MED15: variants seen among roughly 807,000 people sequenced by gnomAD.
The protein encoded by MED15 is mediator of RNA polymerase II transcription subunit 15.
A neutral mutation model predicts 118.7 loss-of-function variants in MED15; 41 were observed. The ratio of observed to expected loss-of-function variants is 0.35; its 90% confidence interval spans 0.27 to 0.45. The LOEUF (loss-of-function observed/expected upper bound fraction) is 0.45. MED15 is among the 20% of genes least tolerant of loss of function. The pLI, the probability that MED15 is intolerant of heterozygous loss-of-function variation, is 1.00. For missense variants in MED15, 740 were observed against 1,025.5 expected, an observed-to-expected ratio of 0.72 and a Z score of 3.80; for synonymous variants, 436 against 413.9, an observed-to-expected ratio of 1.05 and a Z score of -0.65.
chr22:20,586,548 C>A lies in MED15; in HGVS notation c.2231-20C>A. ...CGCAGCGCCGGCCGCCTTAGGTTCA[C>A]GCCCACTGCTCTGTTGCAGACGCCA... On this transcript the variant is annotated intron_variant, in intron 17 of 17. Transcript: ENST00000263205. The A allele has an allele frequency of 6.2e-7, 1 of 1,608,948 alleles. No homozygotes were observed. The highest frequency in any genetic ancestry group is 8.5e-7 in the Non-Finnish European group (1 of 1,177,208).
chr22:20,570,738 CTTTCTTTCTTTTTTTT>C (rs1426261432), intron 8 of MED15, among the ~76,000 whole-genome samples: 4 of 90,988 alleles, frequency 4.4e-5, no homozygotes, highest in Non-Finnish European at 8.3e-5. Flanking sequence ...TTCTTTCTTT[CTTTCTTTCTTTTTTTT>C]TTTTTTTTTT....
In MED15 at chr22:20,583,071, C is replaced by T. The variant is rs200600808; in HGVS notation, c.1538-42C>T. 550 of 1,556,658 alleles carry T rather than the reference C, an allele frequency of 3.5e-4. 5 individuals are homozygous for T. In the African/African-American group the frequency reaches 5.9e-3, roughly 17 times the overall value. The stretch of plus-strand genomic sequence containing the variant: ...GCCCTCAGAGCTCAAGTTCCCCACC[C>T]GAGGGTCGAGGGCTGTGGCCTCACC... On this transcript the variant is annotated intron_variant, in intron 11 of 17. Coordinates refer to ENST00000263205, the MANE Select transcript of MED15 (RefSeq NM_001003891.3).
At chr22:20,534,002 G>A (rs1236491437) in intron 1 of MED15, among the ~76,000 whole-genome samples, 1 of 152,120 alleles carries the variant, frequency 6.6e-6, no homozygotes, top group East Asian at 1.9e-4. Flanking sequence ...CTCAAAAACG[G>A]CCAGTAGCAG....
At chr22:20,525,687 C>A (rs1241886963) in intron 1 of MED15, among the ~76,000 whole-genome samples, 4 of 151,872 alleles carry the variant, frequency 2.6e-5, no homozygotes, top group Non-Finnish European at 4.4e-5. Flanking sequence ...CAGGCATGCA[C>A]CACCACGCCT....
intron 3 of MED15, 40 bp downstream of exon 3, chr22:20,551,527 G>C: frequency 6.3e-7 from 1 of 1,586,188 alleles, no homozygotes; most frequent in African/African-American, 1.3e-5. Context: ...TGAGATCTCT[G>C]TGAGAGGCCA....
At chr22:20,548,535 A>C (rs1231007095) in intron 2 of MED15, among the ~76,000 whole-genome samples, 1 of 152,178 alleles carries the variant, frequency 6.6e-6, no homozygotes, top group Non-Finnish European at 1.5e-5. Context: ...AACACTGTGG[A>C]TTTAGAGAGG....
chr22:20,582,636 T>C lies in MED15; in HGVS notation c.1298T>C (p.Leu433Pro). Residue 433 changes from leucine (L) to proline (P), a missense_variant, in exon 10 of 18, where the codon CTG (leucine) becomes CCG (proline). Leu to Pro is a moderately conservative substitution (Grantham distance 98). This residue lies in a region of MED15 where 384 missense variants were observed against 506.3 expected (regional missense o/e 0.76). Transcript: ENST00000263205. ...GTCAGCCAGAGCAGCCTCCCCATGCTGTCCTCGCCGTCACCGGGCCAGCAG... is the reference window on the plus strand; with the variant it reads ...GTCAGCCAGAGCAGCCTCCCCATGCCGTCCTCGCCGTCACCGGGCCAGCAG... ...AQVSQSSLPM[L>P]SSPSPGQQVQ... 6.4e-7 allele frequency: 1 copy of C among 1,574,714 alleles called. No individual in the cohort carries two copies. Among genetic ancestry groups the C allele is most frequent in the Non-Finnish European group, 8.6e-7 (1 of 1,166,788 alleles).
intron 9 of MED15, among the ~76,000 whole-genome samples, chr22:20,581,381 C>T (rs2056976608): frequency 6.6e-6 from 1 of 152,148 alleles, no homozygotes; most frequent in African/African-American, 2.4e-5. Context: ...CTGTCCTATC[C>T]CAGTACTCAC....
At chr22:20,570,029 C>CT (rs1013542676) in intron 8 of MED15, among the ~76,000 whole-genome samples, 6 of 152,132 alleles carry the variant, frequency 3.9e-5, no homozygotes, top group African/African-American at 9.7e-5. Flanking sequence ...TTCCTGGAAA[C>CT]TTTTTTTATT....
intron 3 of MED15, 44 bp from the exon 4 acceptor site, chr22:20,553,101 A>G: frequency 6.3e-7 from 1 of 1,576,162 alleles, no homozygotes; most frequent in Non-Finnish European, 8.7e-7. Context: ...GTGGTTATAT[A>G]AAACTATGTT....
chr22:20,558,303 C>A (rs899360826), intron 5 of MED15, among the ~76,000 whole-genome samples: 2 of 152,038 alleles, frequency 1.3e-5, no homozygotes, highest in African/African-American at 4.8e-5. Flanking sequence ...CCTTTCAGAT[C>A]TTCATCTAGT....
intron 1 of MED15, among the ~76,000 whole-genome samples, chr22:20,528,419 A>G (rs1293800296): frequency 1.3e-5 from 2 of 152,150 alleles, no homozygotes; most frequent in African/African-American, 4.8e-5. Context: ...AGATTCTCAT[A>G]AGGAGCATGC....
intron 8 of MED15, among the ~76,000 whole-genome samples, chr22:20,569,809 G>A (rs191280869): frequency 4.4e-4 from 67 of 152,218 alleles, no homozygotes; most frequent in Non-Finnish European, 7.6e-4. Flanking sequence ...TGACCACTTC[G>A]TGTGATGAGG....
intron 1 of MED15, among the ~76,000 whole-genome samples, chr22:20,518,393 G>A (rs1485062715): frequency 6.6e-6 from 1 of 152,084 alleles, no homozygotes; most frequent in Non-Finnish European, 1.5e-5. Context: ...GTTGGCACGA[G>A]AGCTTTGTGC....
intron 2 of MED15, chr22:20,551,114 C>T (rs1211977000): frequency 1.3e-5 from 7 of 555,116 alleles, no homozygotes; most frequent in Non-Finnish European, 2.1e-5. Flanking sequence ...CCCAACCTGC[C>T]TGTCCCCTTT....
chr22:20,565,951 CG>C lies in MED15; in HGVS notation c.691-510del, dbSNP rs546911771. On this transcript the variant is annotated intron_variant, in intron 6 of 17. Transcript: ENST00000263205. ...TCAGGAAGGCAGCTGGTGTTGGCCT[CG>C]GGGGGCCCAGAGCCTTTCTGTGGGA... Among the ~76,000 whole-genome samples, 8 of 150,488 alleles carry C rather than the reference CG, an allele frequency of 5.3e-5. 1 individual carries two copies. In the South Asian group the frequency reaches 1.3e-3, roughly 24 times the overall value.
chr22:20,573,156 C>T (rs1008450372), intron 8 of MED15, among the ~76,000 whole-genome samples: 5 of 151,910 alleles, frequency 3.3e-5, no homozygotes, highest in African/African-American at 4.8e-5. Flanking sequence ...TTAGTAGAGA[C>T]GGGGTTTTGT....
chr22:20,508,278 A>C, intron 1 of MED15: 1 of 1,299,120 alleles, frequency 7.7e-7, no homozygotes, highest in Non-Finnish European at 1.0e-6. Context: ...GAAGGATGGC[A>C]GGAAGCCGCT....
intron 1 of MED15, chr22:20,508,146 G>A (rs963552056): frequency 3.3e-6 from 4 of 1,224,898 alleles, no homozygotes; most frequent in African/African-American, 1.6e-5. Context: ...GCGCATCAAC[G>A]GTGAAAGAAA....
Sources: gnomAD v4.1 joint callset for allele counts (sites outside exome capture counted in the v4.1 genomes callset) on GRCh38, gnomAD v4.1.1 for gene constraint, gnomAD v4.1.1 regional missense constraint, MANE v1.5 for transcripts, NCBI Gene and HGNC (gene_info 2026-07-23, HGNC 2026-07-21) for gene names.